MACROH2A2: variants seen among roughly 807,000 people sequenced by gnomAD.
MACROH2A2 encodes the protein core histone macro-H2A.2.
MACROH2A2 carries 6 observed loss-of-function variants against 37.6 expected under a neutral mutation model. The ratio of observed to expected loss-of-function variants is 0.16; its 90% CI spans 0.09 to 0.32. MACROH2A2 has a LOEUF of 0.32. Among genes scored for constraint, MACROH2A2 ranks in the 10% least tolerant of loss-of-function variants. The probability of loss-of-function intolerance (pLI) is 1.00; values close to 1 mark genes in which losing one functional copy is unlikely to be tolerated. For synonymous variants in MACROH2A2, 192 were observed against 202.7 expected, an observed-to-expected ratio of 0.95 and a Z score of 0.45; for missense variants, 290 against 485.9, an observed-to-expected ratio of 0.60 and a Z score of 3.79.
intron 6 of MACROH2A2, 87 bp downstream of exon 6, chr10:70,095,840 T>A: frequency 2.8e-6 from 2 of 709,072 alleles, no homozygotes; most frequent in Non-Finnish European, 2.6e-6. Context: ...GTCAACTGGC[T>A]GTCCCTCCGC....
Position 70,095,660 on chromosome 10 carries a change from T to G in MACROH2A2, c.595T>G (p.Leu199Val), listed in dbSNP as rs373442012. ...KSLVLGQKLS[L>V]TQSDISHIGS... is the part of the protein sequence containing the mutation. ...CCTTTTCTTCCTAATGCAGCTGTCC[T>G]TAACCCAGAGTGACATCAGCCATAT... The change falls in exon 6 of 9, where the codon TTA (leucine) becomes GTA (valine). Residue 199 changes from leucine (L) to valine (V), a missense_variant. Physicochemically the swap from Leu to Val is conservative, Grantham distance 32. Around this residue, in one of 3 missense-constraint regions of MACROH2A2, gnomAD observed 130 missense variants for 257.1 expected, o/e 0.51. Transcript: ENST00000373255. 2.2e-4 allele frequency: 342 copies of G among 1,527,588 alleles called. No individual in the cohort carries two copies. The highest frequency in any genetic ancestry group is 2.7e-4 in the Non-Finnish European group (297 of 1,101,490). The allele number at this position is 1,527,588 out of a possible 1,614,324, so 94.6% of individuals were successfully genotyped here.
At chr10:70,061,226 A>G (rs113059526) in intron 1 of MACROH2A2, among the ~76,000 whole-genome samples, 3,907 of 152,292 alleles carry the variant, frequency 0.026, 150 homozygotes, top group African/African-American at 0.079. Flanking sequence ...ACAAAAAGAC[A>G]AGAAGAGACC....
At chr10:70,081,332 G>C (rs2072175482) in intron 2 of MACROH2A2, among the ~76,000 whole-genome samples, 2 of 152,080 alleles carry the variant, frequency 1.3e-5, no homozygotes, top group African/African-American at 2.4e-5. Context: ...GGTGTGTCGG[G>C]AGCTCAGGAG....
chr10:70,081,068 C>CAAAAAAAAAAA, intron 2 of MACROH2A2, among the ~76,000 whole-genome samples: 1 of 45,832 alleles, frequency 2.2e-5, no homozygotes, highest in Non-Finnish European at 3.9e-5. Context: ...CCCTGTCTCT[C>CAAAAAAAAAAA]AAAAAAAAAA....
At chr10:70,054,896 A>G (rs193035117) in intron 1 of MACROH2A2, among the ~76,000 whole-genome samples, 130 of 152,202 alleles carry the variant, frequency 8.5e-4, no homozygotes, top group African/African-American at 2.9e-3. Flanking sequence ...GGTTTTTCCT[A>G]TCCTACCACA....
intron 7 of MACROH2A2, among the ~76,000 whole-genome samples, chr10:70,101,203 CAAAG>C (rs1231283754): frequency 6.6e-6 from 1 of 152,162 alleles, no homozygotes; most frequent in Non-Finnish European, 1.5e-5. Flanking sequence ...GGTGATCAAA[CAAAG>C]AAACAGGTGA....
intron 1 of MACROH2A2, among the ~76,000 whole-genome samples, chr10:70,060,293 C>G (rs902665010): frequency 2.6e-5 from 4 of 151,738 alleles, no homozygotes; most frequent in African/African-American, 9.7e-5. Flanking sequence ...TCTCCTGAAC[C>G]AGGGAGGCAG....
At chr10:70,092,021 C>T (rs2072248348) in intron 4 of MACROH2A2, 67 bp downstream of exon 4, 2 of 1,286,728 alleles carry the variant, frequency 1.6e-6, no homozygotes, top group South Asian at 1.3e-5. Context: ...CTGTGTTCCC[C>T]CACAATTCAT....
At chr10:70,068,844 T>G (rs2072092960) in intron 1 of MACROH2A2, among the ~76,000 whole-genome samples, 1 of 152,216 alleles carries the variant, frequency 6.6e-6, no homozygotes, top group Non-Finnish European at 1.5e-5. Flanking sequence ...GACATCTATT[T>G]GAAACTTCAT....
chr10:70,070,386 TTACATTTAGG>T (rs1251733312), intron 1 of MACROH2A2, among the ~76,000 whole-genome samples: 3 of 152,252 alleles, frequency 2.0e-5, no homozygotes, highest in African/African-American at 7.2e-5. Flanking sequence ...AGGATGATTC[TTACATTTAGG>T]TACTTTTTTA....
chr10:70,091,789 C>T lies in MACROH2A2; in HGVS notation c.312C>T (p.Gly104=), dbSNP rs1411797092. The T allele has an allele frequency of 6.2e-6, 10 of 1,613,864 alleles. No homozygotes were observed. The highest frequency in any genetic ancestry group is 4.4e-5 in the South Asian group (4 of 91,050). ...LLKGVTIASG[G]VLPRIHPELL... ...AAGGAGTGACCATCGCCAGTGGAGG[C>T]GTCCTGCCCAGAATTCACCCCGAAC... is the stretch of plus-strand genomic sequence containing the variant. The change falls in exon 4 of 9, where the codon GGC becomes GGT. Residue 104 remains glycine, a synonymous_variant. Coordinates refer to ENST00000373255, the MANE Select transcript of MACROH2A2 (RefSeq NM_018649.3).
At chr10:70,062,622 A>AGTCTAGATCCTTT (rs1363454824) in intron 1 of MACROH2A2, among the ~76,000 whole-genome samples, 1 of 152,196 alleles carries the variant, frequency 6.6e-6, no homozygotes, top group Non-Finnish European at 1.5e-5. Flanking sequence ...CCGTCTCGTG[A>AGTCTAGATCCTTT]GTCTAGATCC....
At chr10:70,054,246 G>A (rs2071999597) in intron 1 of MACROH2A2, among the ~76,000 whole-genome samples, 1 of 152,236 alleles carries the variant, frequency 6.6e-6, no homozygotes, top group African/African-American at 2.4e-5. Context: ...GATGAAAGGC[G>A]CGAGAAGAAA....
At chr10:70,079,550 T>A (rs1229561777) in intron 2 of MACROH2A2, among the ~76,000 whole-genome samples, 1 of 108,832 alleles carries the variant, frequency 9.2e-6, no homozygotes, top group African/African-American at 3.9e-5. Context: ...ACGTTGAGGG[T>A]TCGCGCGCGC....
chr10:70,071,876 G>T (rs1452800844), intron 1 of MACROH2A2, among the ~76,000 whole-genome samples: 1 of 152,202 alleles, frequency 6.6e-6, no homozygotes, highest in Non-Finnish European at 1.5e-5. Flanking sequence ...AGTACTCTGG[G>T]TGAGTGAGTG....
At chr10:70,076,637 C>T (rs769873957) in intron 2 of MACROH2A2, among the ~76,000 whole-genome samples, 7 of 152,062 alleles carry the variant, frequency 4.6e-5, no homozygotes, top group East Asian at 3.8e-4. Context: ...GTAATAGCCA[C>T]GAGCAACAAT....
intron 1 of MACROH2A2, among the ~76,000 whole-genome samples, chr10:70,067,726 T>G (rs767040805): frequency 1.9e-4 from 29 of 152,222 alleles, no homozygotes; most frequent in Admixed American, 1.5e-3. Context: ...AGGGAAAGAT[T>G]AGGGCGCTCA....
intron 1 of MACROH2A2, among the ~76,000 whole-genome samples, chr10:70,054,087 TACA>T (rs2071997181): frequency 6.6e-6 from 1 of 152,164 alleles, no homozygotes; most frequent in African/African-American, 2.4e-5. Context: ...CTTTGTTCCT[TACA>T]ACAATGGCCA....
intron 4 of MACROH2A2, among the ~76,000 whole-genome samples, chr10:70,092,340 G>A (rs2072250372): frequency 6.6e-6 from 1 of 152,190 alleles, no homozygotes; most frequent in Admixed American, 6.5e-5. Flanking sequence ...GGCCGAGGCA[G>A]GAGGATGGCT....
Sources: allele counts gnomAD v4.1 joint callset (sites outside exome capture counted in the v4.1 genomes callset), GRCh38; gene constraint gnomAD v4.1.1; regional missense constraint gnomAD v4.1.1; transcripts MANE v1.5; gene names NCBI Gene and HGNC (gene_info 2026-07-23, HGNC 2026-07-21).